Variants in FLT4 observed in about 807,000 individuals in gnomAD.
FLT4 encodes the protein fms related receptor tyrosine kinase 4.
A neutral mutation model predicts 163.2 loss-of-function variants in FLT4; 30 were observed. That is an observed-to-expected ratio of 0.18 (90% CI 0.14 to 0.25). FLT4 has a LOEUF of 0.25. Ranked by LOEUF, FLT4 falls within the 10% of genes least tolerant of loss-of-function variation. FLT4 has a pLI of 1.00. For synonymous variants in FLT4, 884 were observed against 789.5 expected, an observed-to-expected ratio of 1.12 and a Z score of -2.01; for missense variants, 1,510 against 1,863.8, an observed-to-expected ratio of 0.81 and a Z score of 3.50.
intron 23 of FLT4, among the ~76,000 whole-genome samples, chr5:180,614,596 C>T (rs1271619622): frequency 2.0e-5 from 3 of 152,102 alleles, no homozygotes; most frequent in African/African-American, 7.2e-5. Flanking sequence ...CGGGCCATCA[C>T]TCCTGACACC....
intron 29 of FLT4, chr5:180,608,198 G>T (rs921991360): frequency 1.4e-6 from 1 of 700,536 alleles, no homozygotes; most frequent in Non-Finnish European, 2.6e-6. Flanking sequence ...AAGAAATAGC[G>T]AAAGTCTTAA....
intron 21 of FLT4, among the ~76,000 whole-genome samples, chr5:180,618,554 C>T (rs577077005): frequency 7.7e-4 from 118 of 152,374 alleles, no homozygotes; most frequent in African/African-American, 2.6e-3. Context: ...CCTGCCTTGT[C>T]TGCAGGGCAA....
Position 180,626,246 on chromosome 5 carries a change from G to A in FLT4, c.1123C>T (p.Leu375=), listed in dbSNP as rs2127828301. The part of the protein sequence containing the change: ...EFQWYKDGKA[L]SGRHSPHALV... ...GCATGTGGACTGTGGCGCCCGGACA[G>A]TGCCTTTCCATCCTTGTACCTGGCC... is the stretch of plus-strand genomic sequence containing the variant. The change falls in exon 9 of 30, where the codon CTG becomes TTG. Residue 375 remains leucine, a synonymous_variant. Coordinates refer to ENST00000261937, the MANE Select transcript of FLT4 (RefSeq NM_182925.5). 2 of 1,612,618 alleles carry A rather than the reference G, an allele frequency of 1.2e-6. No homozygotes were observed. The highest frequency in any genetic ancestry group is 1.7e-6 in the Non-Finnish European group (2 of 1,180,000).
chr5:180,631,212 G>A (rs574284997), intron 2 of FLT4, among the ~76,000 whole-genome samples: 9 of 152,210 alleles, frequency 5.9e-5, no homozygotes, highest in East Asian at 1.9e-4. Context: ...AGTGGCTCAC[G>A]CCTGTAATCC....
chr5:180,646,139 G>A (rs536557676), intron 1 of FLT4, among the ~76,000 whole-genome samples: 1 of 152,098 alleles, frequency 6.6e-6, no homozygotes, highest in South Asian at 2.1e-4. Context: ...TATCTGGCCG[G>A]GTGCATCAGC....
chr5:180,626,375 T>C (rs1406858852), intron 8 of FLT4, 110 bp from the exon 9 acceptor site: 5 of 1,255,618 alleles, frequency 4.0e-6, no homozygotes, highest in Non-Finnish European at 5.7e-6. Flanking sequence ...CTGGCAGGAG[T>C]GCAGGGTAGG....
intron 21 of FLT4, among the ~76,000 whole-genome samples, 181 bp from the exon 22 acceptor site, chr5:180,617,175 C>T (rs112965350): frequency 2.2e-3 from 231 of 104,200 alleles, no homozygotes; most frequent in Middle Eastern, 5.5e-3. Flanking sequence ...CCACATCCTA[C>T]TCCAGAGCAC....
Position 180,621,202 on chromosome 5 carries a change from C to T in FLT4, c.2071G>A (p.Val691Met). 8 of 1,612,836 alleles carry T rather than the reference C, an allele frequency of 5.0e-6. No individual in the cohort carries two copies. The highest frequency in any genetic ancestry group is 6.8e-6 in the Non-Finnish European group (8 of 1,179,974). Residue 691 changes from valine to methionine, a missense_variant, in exon 14 of 30, where the codon GTG becomes ATG. This residue lies in a region of FLT4 where 878 missense variants were observed against 1,016.7 expected (regional missense o/e 0.86). Coordinates refer to ENST00000261937, the MANE Select transcript of FLT4 (RefSeq NM_182925.5). Reference sequence around the variant, plus strand: ...CACTGCATCTCCAGCGAGTCGCTCACGTTCACCAGGAGGTCGGTCAAGTTC... The same window carrying T: ...CACTGCATCTCCAGCGAGTCGCTCATGTTCACCAGGAGGTCGGTCAAGTTC... ...TQNLTDLLVN[V>M]SDSLEMQCLV...
intron 25 of FLT4, 89 bp downstream of exon 25, chr5:180,612,922 C>A (rs977522157): frequency 4.0e-6 from 4 of 1,012,404 alleles, no homozygotes; most frequent in Non-Finnish European, 6.0e-6. Context: ...CTGGCCCTGG[C>A]TTCCCTGATG....
chr5:180,625,747 AG>A, intron 10 of FLT4, 121 bp downstream of exon 10: 1 of 899,434 alleles, frequency 1.1e-6, no homozygotes, highest in South Asian at 1.4e-5. Flanking sequence ...AGTTCAGAGC[AG>A]GGCCCTGAGA....
In FLT4 at chr5:180,630,034, C is replaced by T. The variant is rs550500960; in HGVS notation, c.585G>A (p.Thr195=). 3.7e-5 allele frequency: 59 copies of T among 1,612,798 alleles called. No homozygotes were observed. The African/African-American group carries it at 5.5e-4, about 15-fold the overall frequency. ...WDDRRGMLVS[T]PLLHDALYLQ... is the part of the protein sequence containing the mutation. ...GGTACAGGGCATCGTGCAGCAGTGG[C>T]GTGGACACGAGCATGCCCCGCCGGT... is the stretch of plus-strand genomic sequence containing the variant. Residue 195 remains threonine, a synonymous_variant, in exon 5 of 30, where the codon ACG becomes ACA. Transcript: ENST00000261937. The surrounding 1 kb of genome is among the most constrained non-coding windows in gnomAD (Gnocchi z 6.3).
chr5:180,618,831 G>A lies in FLT4; in HGVS notation c.2940C>T (p.Val980=). Residue 980 remains valine, a synonymous_variant, in exon 21 of 30, where the codon GTC becomes GTT. Transcript: ENST00000261937. ...CGGTCTTCGAGAACCGCGCGAAGAG[G>A]ACCCTGTCGCTGCTCCCCGGCCGCC... The part of the protein sequence containing the change: ...DRRRPGSSDR[V]LFARFSKTEG... 1 of 1,584,702 alleles carries A rather than the reference G, an allele frequency of 6.3e-7. No individual in the cohort carries two copies. Among genetic ancestry groups the A allele is most frequent in the Non-Finnish European group, 8.6e-7 (1 of 1,166,276 alleles).
chr5:180,614,441 A>C (rs943633829), intron 23 of FLT4, among the ~76,000 whole-genome samples: 1 of 152,014 alleles, frequency 6.6e-6, no homozygotes, highest in African/African-American at 2.4e-5. Flanking sequence ...CCCAGCTCTC[A>C]GGGGAGGGGT....
intron 23 of FLT4, 62 bp from the exon 24 acceptor site, chr5:180,614,241 GT>G: frequency 8.7e-7 from 1 of 1,146,902 alleles, no homozygotes; most frequent in Non-Finnish European, 1.3e-6. Context: ...AGCGTGTCCC[GT>G]GGTGGATGGG....
intron 1 of FLT4, among the ~76,000 whole-genome samples, chr5:180,648,768 G>T (rs1765603811): frequency 6.6e-6 from 1 of 152,212 alleles, no homozygotes; most frequent in South Asian, 2.1e-4. Context: ...CCTGTGCAGG[G>T]GACCCTCCCG....
chr5:180,602,246 G>C lies in FLT4; in HGVS notation c.*946C>G. 4.1e-6 allele frequency: 1 copy of C among 243,496 alleles called. No homozygotes were observed. 15.1% of individuals were successfully genotyped at this position (243,496 alleles called of 1,614,324 possible). ...GTTCATCTCTCATGAGCTGGTTCAC[G>C]GCTTGGGAGGGGCCGCAGGTGGCAG... On this transcript the variant is annotated 3_prime_UTR_variant, in exon 30 of 30. Transcript: ENST00000261937.
intron 1 of FLT4, among the ~76,000 whole-genome samples, chr5:180,642,124 G>A (rs307808): frequency 0.46 from 69,214 of 151,116 alleles, 16,042 homozygotes; most frequent in East Asian, 0.62. Context: ...GGAGAATGGC[G>A]TGAACCTGAG....
At chr5:180,612,349 T>C in intron 26 of FLT4, 157 bp downstream of exon 26, 1 of 675,066 alleles carries the variant, frequency 1.5e-6, no homozygotes, top group Middle Eastern at 3.4e-4. Context: ...TGCAAGGGTG[T>C]GGGGACGAGG....
intron 29 of FLT4, among the ~76,000 whole-genome samples, chr5:180,604,703 CTT>C (rs751626114): frequency 2.0e-4 from 31 of 152,194 alleles, no homozygotes; most frequent in Admixed American, 3.9e-4. Flanking sequence ...ATGTTGACTT[CTT>C]GTTTGGTGCT....
Sources: allele counts gnomAD v4.1 joint callset (sites outside exome capture counted in the v4.1 genomes callset), GRCh38; gene constraint gnomAD v4.1.1; regional missense constraint gnomAD v4.1.1; non-coding constraint Gnocchi (gnomAD v3.1); transcripts MANE v1.5; gene names NCBI Gene and HGNC (gene_info 2026-07-23, HGNC 2026-07-21).